The following ASH1L variants were observed in gnomAD, a reference collection of about 807,000 sequenced individuals.
ASH1L encodes histone-lysine N-methyltransferase ASH1L.
Under a neutral mutation model 269.0 loss-of-function variants are expected in ASH1L, and 23 were observed. The observed-to-expected ratio is 0.09, with a 90% CI of 0.06 to 0.12. The LOEUF (loss-of-function observed/expected upper bound fraction) is 0.12, where lower values mean the gene tolerates loss of function less well. Ranked by LOEUF, ASH1L falls within the 10% of genes least tolerant of loss-of-function variation. ASH1L has a pLI of 1.00. For synonymous variants in ASH1L, 1,187 were observed against 1,253.5 expected, an observed-to-expected ratio of 0.95 and a Z score of 1.12; for missense variants, 2,912 against 3,567.8, an observed-to-expected ratio of 0.82 and a Z score of 4.68.
intron 25 of ASH1L, among the ~76,000 whole-genome samples, chr1:155,341,138 AT>A (rs1463741462): frequency 2.1e-5 from 3 of 144,222 alleles, no homozygotes; most frequent in Non-Finnish European, 4.5e-5. Context: ...CACCTGGCTA[AT>A]TTTTGTATTT....
At chr1:155,439,477 T>A (rs1662369628) in intron 4 of ASH1L, among the ~76,000 whole-genome samples, 2 of 152,158 alleles carry the variant, frequency 1.3e-5, no homozygotes, top group African/African-American at 4.8e-5. Context: ...GCAGGAGGAA[T>A]GCCTGAGCTA....
At chr1:155,448,424 A>G (rs761135187) in intron 4 of ASH1L, among the ~76,000 whole-genome samples, 1 of 152,164 alleles carries the variant, frequency 6.6e-6, no homozygotes, top group African/African-American at 2.4e-5. Context: ...CCTTGGCTTA[A>G]GTAGTCTTTT....
intron 1 of ASH1L, among the ~76,000 whole-genome samples, chr1:155,527,978 T>C (rs756858082): frequency 1.3e-5 from 2 of 152,186 alleles, no homozygotes; most frequent in Non-Finnish European, 2.9e-5. Flanking sequence ...TTTTTCTATC[T>C]ACACTCAGTT....
chr1:155,374,312 G>A (rs1355459652), intron 10 of ASH1L, among the ~76,000 whole-genome samples: 4 of 151,742 alleles, frequency 2.6e-5, no homozygotes, highest in Non-Finnish European at 5.9e-5. Context: ...GTGACAGAGC[G>A]AGACTGTCTC....
At chr1:155,559,630 A>G (rs1671825698) in intron 1 of ASH1L, among the ~76,000 whole-genome samples, 1 of 152,118 alleles carries the variant, frequency 6.6e-6, no homozygotes. Context: ...TTATTCAAAG[A>G]GTAAGTAGTG....
chr1:155,371,350 C>G (rs1274422283), intron 10 of ASH1L, among the ~76,000 whole-genome samples: 1 of 152,092 alleles, frequency 6.6e-6, no homozygotes, highest in Non-Finnish European at 1.5e-5. Flanking sequence ...GAGTTCAAGA[C>G]TAGCCTGGCC....
At chr1:155,446,257 A>G (rs922959605) in intron 4 of ASH1L, among the ~76,000 whole-genome samples, 7 of 151,110 alleles carry the variant, frequency 4.6e-5, no homozygotes, top group Non-Finnish European at 1.0e-4. Context: ...GGCTTTTAAT[A>G]CAACTGTAAA....
At chr1:155,404,043 C>T (rs547037586) in intron 6 of ASH1L, among the ~76,000 whole-genome samples, 18 of 142,708 alleles carry the variant, frequency 1.3e-4, no homozygotes, top group African/African-American at 4.2e-4. Context: ...GCAACAAGAA[C>T]GAAACTCCGT....
chr1:155,537,637 A>C (rs1213354934), intron 1 of ASH1L, among the ~76,000 whole-genome samples: 2 of 152,238 alleles, frequency 1.3e-5, no homozygotes, highest in Admixed American at 1.3e-4. Context: ...CAAGTGGATC[A>C]CAAATCTAAA....
In ASH1L at chr1:155,406,234, A is replaced by G. The variant is rs1659281035; in HGVS notation, c.6008+9510T>C. ...AAAAAAAAAAAAAAAAGATGACAAA[A>G]CTTCCCAAATTGATCTAGAGTCTGT... is the stretch of plus-strand genomic sequence containing the variant. On this transcript the variant is annotated intron_variant, in intron 6 of 27. Coordinates refer to ENST00000392403, the MANE Select transcript of ASH1L (RefSeq NM_018489.3). Among the ~76,000 whole-genome samples the G allele has an allele frequency of 1.3e-5, 2 of 151,608 alleles. 1 individual carries two copies. Among genetic ancestry groups the G allele is most frequent in the Admixed American group, 1.3e-4 (2 of 15,192 alleles).
chr1:155,493,150 G>A (rs572325929), intron 2 of ASH1L, among the ~76,000 whole-genome samples: 1 of 151,938 alleles, frequency 6.6e-6, no homozygotes, highest in Admixed American at 6.6e-5. Context: ...AATTCAGTGG[G>A]TTTTTTTTAA....
intron 4 of ASH1L, among the ~76,000 whole-genome samples, chr1:155,451,329 C>T (rs1663448717): frequency 6.6e-6 from 1 of 151,982 alleles, no homozygotes; most frequent in Non-Finnish European, 1.5e-5. Context: ...TTGCCAGGGA[C>T]TGAAGGGACA....
intron 1 of ASH1L, among the ~76,000 whole-genome samples, chr1:155,547,252 C>A (rs1216410862): frequency 1.3e-5 from 2 of 150,866 alleles, no homozygotes; most frequent in African/African-American, 2.4e-5. Flanking sequence ...TAATGAGGGC[C>A]ATGACTACTC....
At chr1:155,546,158 CAAAAAA>C (rs57715557) in intron 1 of ASH1L, among the ~76,000 whole-genome samples, 4 of 110,794 alleles carry the variant, frequency 3.6e-5, no homozygotes, top group Admixed American at 1.1e-4. Context: ...ATTCCATCAC[CAAAAAA>C]AAAAAAAAAA....
At chr1:155,424,441 CTT>C (rs1660970182) in intron 5 of ASH1L, among the ~76,000 whole-genome samples, 1 of 151,400 alleles carries the variant, frequency 6.6e-6, no homozygotes, top group Non-Finnish European at 1.5e-5. Flanking sequence ...GAGTTTCGCT[CTT>C]GTTGTCCACG....
chr1:155,355,617 G>C (rs1654308020), intron 15 of ASH1L, among the ~76,000 whole-genome samples: 1 of 152,158 alleles, frequency 6.6e-6, no homozygotes, highest in Admixed American at 6.5e-5. Context: ...GTGGTCTAGG[G>C]TGTGGCCTGG....
chr1:155,552,554 G>C (rs548007982), intron 1 of ASH1L, among the ~76,000 whole-genome samples: 2 of 152,112 alleles, frequency 1.3e-5, no homozygotes, highest in Non-Finnish European at 1.5e-5. Flanking sequence ...ACTGAAACAG[G>C]AGAACGGCGT....
At chr1:155,491,509 T>C (rs981832497) in intron 2 of ASH1L, among the ~76,000 whole-genome samples, 2 of 152,212 alleles carry the variant, frequency 1.3e-5, no homozygotes, top group Non-Finnish European at 2.9e-5. Context: ...ATTTAAAAGA[T>C]TAAAGAGTGG....
rs370558396 is a variant in ASH1L at position 155,395,293 on chromosome 1, C to T, written c.6103+166G>A. On this transcript the variant is annotated intron_variant, in intron 7 of 27. Coordinates refer to ENST00000392403, the MANE Select transcript of ASH1L (RefSeq NM_018489.3). The stretch of plus-strand genomic sequence containing the variant: ...TATGCCACTGTGACCCCCTGACTAT[C>T]AAACAGTGTATAAAATTCTTCAGAG... 6.6e-5 allele frequency among the ~76,000 whole-genome samples: 10 copies of T among 152,238 alleles called. No individual in the cohort carries two copies. The South Asian group carries it at 2.1e-3, about 32-fold the overall frequency.
Sources: allele counts gnomAD v4.1 joint callset (sites outside exome capture counted in the v4.1 genomes callset), GRCh38; gene constraint gnomAD v4.1.1; transcripts MANE v1.5; gene names NCBI Gene and HGNC (gene_info 2026-07-23, HGNC 2026-07-21).